The following TBP variants were observed in gnomAD, a reference collection of about 807,000 sequenced individuals.
TBP encodes TATA-box binding protein, also known as TATA-box-binding protein.
In TBP, 12 loss-of-function variants were observed where a neutral mutation model predicts 46.2. The ratio of observed to expected loss-of-function variants is 0.26; its 90% CI spans 0.17 to 0.42. TBP has a LOEUF of 0.42. TBP is among the 10% of genes least tolerant of loss of function. TBP has a pLI of 1.00. For missense variants in TBP, 229 were observed against 403.1 expected, an observed-to-expected ratio of 0.57 and a Z score of 3.70; for synonymous variants, 157 against 148.3, an observed-to-expected ratio of 1.06 and a Z score of -0.42.
At chr6:170,569,537 T>C (rs1353158706) in intron 5 of TBP, 75 bp from the exon 6 acceptor site, 1 of 1,394,400 alleles carries the variant, frequency 7.2e-7, no homozygotes, top group Admixed American at 2.2e-5. Context: ...TTTTGGACTT[T>C]TTATAAGTTA....
chr6:170,568,640 A>G (rs1430108011), intron 5 of TBP, among the ~76,000 whole-genome samples: 4 of 151,012 alleles, frequency 2.6e-5, no homozygotes, highest in African/African-American at 9.8e-5. Context: ...TTTTTAGTAG[A>G]GATGGGGTTT....
Position 170,561,780 on chromosome 6 carries a change from GC to G in TBP, c.55-10del, listed in dbSNP as rs767422449. 1.2e-4 allele frequency: 192 copies of G among 1,602,722 alleles called. No individual in the cohort carries two copies. The highest frequency in any genetic ancestry group is 1.6e-4 in the Non-Finnish European group (187 of 1,171,512). ...GCCAGCCTAACCTGTTTTTCTCCTT[GC>G]TTTCCACAGGGTGCCATGACTCCCG... On this transcript the variant is annotated splice_polypyrimidine_tract_variant and intron_variant, in intron 2 of 7. Transcript: ENST00000392092.
At chr6:170,562,349 G>A in intron 3 of TBP, 116 bp downstream of exon 3, 1 of 1,198,080 alleles carries the variant, frequency 8.3e-7, no homozygotes, top group South Asian at 1.6e-5. Flanking sequence ...AACGGTAATT[G>A]TGTATCAAAA....
In TBP at chr6:170,562,092, C is replaced by T. The variant is rs772911295; in HGVS notation, c.356C>T (p.Pro119Leu). The T allele has an allele frequency of 1.2e-6, 2 of 1,614,112 alleles. No homozygotes were observed. Among genetic ancestry groups the T allele is most frequent in the East Asian group, 2.2e-5 (1 of 44,872 alleles). Residue 119 changes from proline (P) to leucine (L), a missense_variant, in exon 3 of 8, where the codon CCA (proline) becomes CTA (leucine). Physicochemically the swap from Pro to Leu is moderately conservative, Grantham distance 98. Transcript: ENST00000392092. ...ACACAGGGAACCTCAGGCCAGGCAC[C>T]ACAGCTCTTCCACTCACAGACTCTC... ...QATQGTSGQA[P>L]QLFHSQTLTT...
intron 5 of TBP, 45 bp downstream of exon 5, chr6:170,567,054 A>G (rs1258331804): frequency 3.9e-6 from 6 of 1,522,784 alleles, no homozygotes; most frequent in East Asian, 2.3e-5. Flanking sequence ...GTTATGAATG[A>G]AAAGGTGATA....
chr6:170,560,924 G>C (rs983512447), intron 2 of TBP, among the ~76,000 whole-genome samples: 1 of 152,218 alleles, frequency 6.6e-6, no homozygotes, highest in Admixed American at 6.5e-5. Context: ...AGCAGGGTTT[G>C]AGAGGATTGA....
At position 170,569,707 on chromosome 6, in the gene TBP, T is replaced by C; in HGVS notation, c.773T>C (p.Met258Thr). ...TTCTTGGACTTCAAGATTCAGAATA[T>C]GGTGGGGAGCTGTGATGTGAAGTTT... ...AKFLDFKIQN[M>T]VGSCDVKFPI... The change falls in exon 6 of 8, where the codon ATG becomes ACG. Residue 258 changes from methionine to threonine, a missense_variant. Around this residue, in one of 4 missense-constraint regions of TBP, gnomAD observed 67 missense variants for 188.2 expected, o/e 0.36. Transcript: ENST00000392092. 3 of 1,614,164 alleles carry C rather than the reference T, an allele frequency of 1.9e-6. No homozygotes were observed. The highest frequency in any genetic ancestry group is 2.5e-6 in the Non-Finnish European group (3 of 1,180,012).
At chr6:170,567,151 T>C in intron 5 of TBP, 142 bp downstream of exon 5, 1 of 302,492 alleles carries the variant, frequency 3.3e-6, no homozygotes, top group Non-Finnish European at 5.8e-6. Flanking sequence ...ATTCTATTAA[T>C]TATTTTTATT....
chr6:170,567,965 T>G (rs3800235), intron 5 of TBP, among the ~76,000 whole-genome samples: 39,162 of 152,150 alleles, frequency 0.26, 6,193 homozygotes, highest in East Asian at 0.73. Flanking sequence ...GAAAGAGTAT[T>G]AAATGTACTT....
intron 5 of TBP, 34 bp from the exon 6 acceptor site, chr6:170,569,578 G>A (rs1329925240): frequency 1.3e-6 from 2 of 1,597,422 alleles, no homozygotes; most frequent in Non-Finnish European, 1.7e-6. Flanking sequence ...AGCTGGCTCT[G>A]AGTATGAATA....
intron 1 of TBP, among the ~76,000 whole-genome samples, chr6:170,555,174 T>A (rs934164987): frequency 6.6e-6 from 1 of 152,222 alleles, no homozygotes; most frequent in African/African-American, 2.4e-5. Context: ...TGCGGTTTCT[T>A]CTGTAGACTT....
At chr6:170,563,305 GAT>G (rs1335870246) in intron 3 of TBP, among the ~76,000 whole-genome samples, 1 of 152,116 alleles carries the variant, frequency 6.6e-6, no homozygotes, top group African/African-American at 2.4e-5. Flanking sequence ...TTGCTGTTCT[GAT>G]ACTCCCCAGA....
At chr6:170,570,632 A>G (rs2115003003) in intron 6 of TBP, among the ~76,000 whole-genome samples, 1 of 152,322 alleles carries the variant, frequency 6.6e-6, no homozygotes. Flanking sequence ...CAGGAGTTCA[A>G]GACCAGCCTG....
At chr6:170,566,548 T>G (rs1276523754) in intron 4 of TBP, among the ~76,000 whole-genome samples, 2 of 97,750 alleles carry the variant, frequency 2.0e-5, no homozygotes, top group Non-Finnish European at 4.0e-5. Context: ...TAAAACAAAA[T>G]GTATCAGAGA....
At chr6:170,571,559 A>G in intron 7 of TBP, 55 bp downstream of exon 7, 1 of 1,350,816 alleles carries the variant, frequency 7.4e-7, no homozygotes, top group Non-Finnish European at 1.1e-6. Flanking sequence ...TGAGTATGGC[A>G]TTTTCTCAGT....
chr6:170,568,523 C>T (rs1249935333), intron 5 of TBP, among the ~76,000 whole-genome samples: 4 of 151,850 alleles, frequency 2.6e-5, no homozygotes, highest in Middle Eastern at 6.9e-3. Flanking sequence ...GGCATGATCT[C>T]GGCTCACTGC....
chr6:170,556,723 A>G (rs914234570), intron 1 of TBP, among the ~76,000 whole-genome samples, 159 bp from the exon 2 acceptor site: 1 of 152,238 alleles, frequency 6.6e-6, no homozygotes, highest in South Asian at 2.1e-4. Flanking sequence ...GAAACATGGA[A>G]GGAATAAAAC....
intron 4 of TBP, among the ~76,000 whole-genome samples, chr6:170,565,165 A>T (rs944645132): frequency 5.3e-5 from 8 of 152,200 alleles, no homozygotes; most frequent in African/African-American, 1.9e-4. Context: ...CAAAAAAAAA[A>T]TCTGTATATC....
In TBP at chr6:170,571,450, A is replaced by C. The variant is rs1298121577; in HGVS notation, c.886A>C (p.Ile296Leu). 6.2e-7 allele frequency: 1 copy of C among 1,614,014 alleles called. No homozygotes were observed. Among genetic ancestry groups the C allele is most frequent in the South Asian group, 1.1e-5 (1 of 91,076 alleles). The change falls in exon 7 of 8, where the codon ATC becomes CTC. Residue 296 changes from isoleucine (I) to leucine (L), a missense_variant. Around this residue, in one of 4 missense-constraint regions of TBP, gnomAD observed 44 missense variants for 54.1 expected, o/e 0.81. Coordinates refer to ENST00000392092, the MANE Select transcript of TBP (RefSeq NM_003194.5). The part of the protein sequence containing the change: ...ELFPGLIYRM[I>L]KPRIVLLIFV... ...ATTTCCTGGTTTAATCTACAGAATGATCAAACCCAGAATTGTTCTCCTTAT... is the reference window on the plus strand; with the variant it reads ...ATTTCCTGGTTTAATCTACAGAATGCTCAAACCCAGAATTGTTCTCCTTAT...
Sources: gnomAD v4.1 joint callset for allele counts (sites outside exome capture counted in the v4.1 genomes callset) on GRCh38, gnomAD v4.1.1 for gene constraint, gnomAD v4.1.1 regional missense constraint, MANE v1.5 for transcripts, NCBI Gene and HGNC (gene_info 2026-07-23, HGNC 2026-07-21) for gene names.